UGGT2: variants seen among roughly 807,000 people sequenced by gnomAD.
UGGT2 encodes UDP-glucose glycoprotein glucosyltransferase 2.
A neutral mutation model predicts 192.1 loss-of-function variants in UGGT2; 180 were observed. That is an observed-to-expected ratio of 0.94 (90% CI 0.83 to 1.06). The LOEUF is 1.06. Among genes scored for constraint, UGGT2 ranks in the 50% least tolerant of loss-of-function variants. UGGT2 has a pLI of 0.00. For missense variants in UGGT2, 1,849 were observed against 1,795.7 expected (o/e 1.03, Z -0.54); for synonymous variants, 580 against 591.0 (o/e 0.98, Z 0.27).
chr13:95,946,552 G>T (rs1226306012), intron 15 of UGGT2, among the ~76,000 whole-genome samples: 2 of 151,372 alleles, frequency 1.3e-5, no homozygotes, highest in East Asian at 3.9e-4. Flanking sequence ...TTTTTTTTTG[G>T]TAGAGACAGG....
At chr13:95,911,747 C>T (rs2048506007) in intron 20 of UGGT2, among the ~76,000 whole-genome samples, 1 of 152,132 alleles carries the variant, frequency 6.6e-6, no homozygotes, top group Admixed American at 6.5e-5. Context: ...AGGCCAATAT[C>T]ATCCTGACAC....
At chr13:95,907,863 G>A (rs1371534217) in intron 20 of UGGT2, among the ~76,000 whole-genome samples, 2 of 152,156 alleles carry the variant, frequency 1.3e-5, no homozygotes, top group African/African-American at 2.4e-5. Flanking sequence ...GCAGCTCCTC[G>A]CCAGCAACAG....
At chr13:95,960,661 T>G (rs9561997) in intron 12 of UGGT2, among the ~76,000 whole-genome samples, 1 of 152,160 alleles carries the variant, frequency 6.6e-6, no homozygotes, top group Non-Finnish European at 1.5e-5. Context: ...CCAAGTCTAA[T>G]GAGATTTAGA....
intron 29 of UGGT2, among the ~76,000 whole-genome samples, chr13:95,871,005 T>C (rs989703449): frequency 1.3e-5 from 2 of 152,182 alleles, no homozygotes; most frequent in African/African-American, 4.8e-5. Flanking sequence ...CTTCCAGAAC[T>C]ATGAACCAAT....
intron 12 of UGGT2, among the ~76,000 whole-genome samples, chr13:95,958,342 G>A (rs554679842): frequency 1.3e-5 from 2 of 152,148 alleles, no homozygotes; most frequent in Admixed American, 6.5e-5. Context: ...TAGTAGAGAC[G>A]GGGTTTCACC....
At chr13:95,926,458 T>C (rs2049018089) in intron 19 of UGGT2, among the ~76,000 whole-genome samples, 1 of 152,176 alleles carries the variant, frequency 6.6e-6, no homozygotes, top group Non-Finnish European at 1.5e-5. Context: ...CTCTTGTTTT[T>C]ATTTCTAGAG....
chr13:95,964,243 T>G lies in UGGT2; in HGVS notation c.1335+5869A>C, dbSNP rs575119012. On this transcript the variant is annotated intron_variant, in intron 12 of 38. Coordinates refer to ENST00000376747, the MANE Select transcript of UGGT2 (RefSeq NM_020121.4). ...AAGGACACCCTCTTGAATACATGGT[T>G]CTGGGAAAATCTGATATCGATATGC... Among the ~76,000 whole-genome samples the G allele has an allele frequency of 2.0e-5, 3 of 152,206 alleles. No individual in the cohort carries two copies. The East Asian group carries it at 5.8e-4, about 29-fold the overall frequency.
chr13:95,988,105 C>G (rs569853867), intron 8 of UGGT2, among the ~76,000 whole-genome samples: 1 of 152,196 alleles, frequency 6.6e-6, no homozygotes, highest in South Asian at 2.1e-4. Context: ...CCACTCTCTC[C>G]TCTTGCTCCC....
rs746450688 is a variant in UGGT2, at chr13:96,031,974, A to G, written c.159-3T>C. ...TACTTTCTTCTGCCATAAATTCACT[A>G]TTAAAAAAATAGAAGTAATCGGTTA... On this transcript the variant is annotated splice_region_variant and splice_polypyrimidine_tract_variant and intron_variant, in intron 1 of 38. Transcript: ENST00000376747. 6 of 1,602,870 alleles carry G rather than the reference A, an allele frequency of 3.7e-6. No individual in the cohort carries two copies. The highest frequency in any genetic ancestry group is 5.1e-6 in the Non-Finnish European group (6 of 1,171,352).
Position 95,833,070 on chromosome 13 carries a change from AT to A in UGGT2, c.4402-18del. On this transcript the variant is annotated intron_variant, in intron 37 of 38. Transcript: ENST00000376747. ...ATTATTGCACTAAAAGTTTAAGTAA[AT>A]TTTGTTAATGAAAGACCATGCTCCT... 3.7e-6 allele frequency: 6 copies of A among 1,608,940 alleles called. No individual in the cohort carries two copies. The highest frequency in any genetic ancestry group is 5.1e-6 in the Non-Finnish European group (6 of 1,176,820).
At chr13:95,952,308 A>G (rs988250982) in intron 12 of UGGT2, among the ~76,000 whole-genome samples, 3 of 152,108 alleles carry the variant, frequency 2.0e-5, no homozygotes, top group Non-Finnish European at 2.9e-5. Flanking sequence ...TCTGATACTG[A>G]TAAGATTTTG....
At chr13:95,942,126 T>A (rs9561992) in intron 15 of UGGT2, among the ~76,000 whole-genome samples, 55,171 of 151,564 alleles carry the variant, frequency 0.36, 10,345 homozygotes, top group Middle Eastern at 0.41. Flanking sequence ...ATATGTATAT[T>A]TGTGTCATTT....
At chr13:95,928,600 C>A (rs529588366) in intron 17 of UGGT2, among the ~76,000 whole-genome samples, 1 of 150,862 alleles carries the variant, frequency 6.6e-6, no homozygotes, top group Non-Finnish European at 1.5e-5. Flanking sequence ...CCAGACGGGG[C>A]GGCGGGGCAA....
At chr13:96,011,531 T>A (rs766560973) in intron 5 of UGGT2, among the ~76,000 whole-genome samples, 1 of 151,930 alleles carries the variant, frequency 6.6e-6, no homozygotes, top group Non-Finnish European at 1.5e-5. Context: ...CAAATGGTGG[T>A]TAGGATTTAG....
chr13:95,969,850 T>C (rs944505182), intron 12 of UGGT2, among the ~76,000 whole-genome samples: 5 of 152,352 alleles, frequency 3.3e-5, no homozygotes, highest in Admixed American at 3.3e-4. Context: ...ATTGTTCATG[T>C]GGTTATTCTG....
At chr13:95,912,230 T>C (rs541874084) in intron 20 of UGGT2, among the ~76,000 whole-genome samples, 35 of 152,336 alleles carry the variant, frequency 2.3e-4, no homozygotes, top group African/African-American at 4.8e-4. Flanking sequence ...TTGGAAGTTC[T>C]GGCCAGGGCA....
rs541900895 is a variant in UGGT2 at position 95,812,567 on chromosome 13, A to G, written c.4529-10755T>C. Among the ~76,000 whole-genome samples, 8 of 152,294 alleles carry G rather than the reference A, an allele frequency of 5.3e-5. 1 individual carries two copies. Among genetic ancestry groups the G allele is most frequent in the African/African-American group, 1.9e-4 (8 of 41,558 alleles). The stretch of plus-strand genomic sequence containing the variant: ...GAATGAGAGATTACAGGCTAAATGT[A>G]TAGTTTGAATTTTTGTCCCCATCTA... On this transcript the variant is annotated intron_variant, in intron 38 of 38. Transcript: ENST00000376747.
chr13:95,982,998 C>T (rs1425421110), intron 10 of UGGT2, among the ~76,000 whole-genome samples: 1 of 152,182 alleles, frequency 6.6e-6, no homozygotes, highest in South Asian at 2.1e-4. Context: ...ATGATGGGCA[C>T]TGCTGGCTGG....
At chr13:95,875,498 T>C (rs1207619146) in intron 29 of UGGT2, among the ~76,000 whole-genome samples, 1 of 152,214 alleles carries the variant, frequency 6.6e-6, no homozygotes, top group African/African-American at 2.4e-5. Context: ...TGCTGGGATA[T>C]ACGTCATAAT....
Sources: gnomAD v4.1 joint callset for allele counts (sites outside exome capture counted in the v4.1 genomes callset) on GRCh38, gnomAD v4.1.1 for gene constraint, MANE v1.5 for transcripts, NCBI Gene and HGNC (gene_info 2026-07-23, HGNC 2026-07-21) for gene names.